Variants in STYXL2 observed in about 807,000 individuals in gnomAD.
STYXL2 encodes serine/threonine/tyrosine-interacting-like protein 2.
In STYXL2, 44 loss-of-function variants were observed where a neutral mutation model predicts 52.4. That is an observed-to-expected ratio of 0.84 (90% CI 0.66 to 1.08). STYXL2 has a LOEUF of 1.08. STYXL2 is among the 50% of genes least tolerant of loss of function. STYXL2 has a pLI of 0.00. For missense variants in STYXL2, 1,604 were observed against 1,471.7 expected, an observed-to-expected ratio of 1.09 and a Z score of -1.47; for synonymous variants, 604 against 586.9, an observed-to-expected ratio of 1.03 and a Z score of -0.42.
Position 167,119,239 on chromosome 1 carries a change from C to T in STYXL2, c.438-10C>T, listed in dbSNP as rs74119595. ...GACTCTTGCAAACAGGTCCCTGCCT[C>T]TTCCCGCAGGAGTGTGGCTGTGAAC... On this transcript the variant is annotated splice_polypyrimidine_tract_variant and intron_variant, in intron 4 of 5. Transcript: ENST00000361200. The T allele has an allele frequency of 3.8e-3, 6,210 of 1,613,674 alleles. 224 individuals carry two copies. In the African/African-American group the frequency reaches 0.074, roughly 19 times the overall value.
chr1:167,121,151 T>A (rs1050984549), intron 5 of STYXL2, among the ~76,000 whole-genome samples: 6 of 151,896 alleles, frequency 4.0e-5, no homozygotes, highest in African/African-American at 1.5e-4. Flanking sequence ...TAGCTGGGAT[T>A]ACAGACTCCC....
At chr1:167,095,078 T>C (rs780355397) in intron 2 of STYXL2, 119 bp downstream of exon 2, 20 of 689,796 alleles carry the variant, frequency 2.9e-5, no homozygotes, top group Non-Finnish European at 4.5e-5. Flanking sequence ...TTAACAAATA[T>C]TATTGAGTAC....
At position 167,119,426 on chromosome 1, in the gene STYXL2, G is replaced by A. The variant is rs779953208; in HGVS notation, c.615G>A (p.Lys205=). 1.4e-5 allele frequency: 22 copies of A among 1,614,222 alleles called. No homozygotes were observed. The highest frequency in any genetic ancestry group is 1.9e-5 in the Non-Finnish European group (22 of 1,180,042). Reference sequence around the variant, plus strand: ...TGGACATTTCCCAGCATTTCCGGAAGGCGTCTGAGTTCCTGGATGAGGCGC... The same window carrying A: ...TGGACATTTCCCAGCATTTCCGGAAAGCGTCTGAGTTCCTGGATGAGGCGC... ...PEVDISQHFR[K]ASEFLDEALL... Residue 205 remains lysine (K), a synonymous_variant, in exon 5 of 6, where the codon AAG becomes AAA. Transcript: ENST00000361200.
chr1:167,117,034 A>G (rs967248487), intron 3 of STYXL2, among the ~76,000 whole-genome samples: 7 of 152,186 alleles, frequency 4.6e-5, no homozygotes, highest in African/African-American at 1.7e-4. Flanking sequence ...TACTTAAGGA[A>G]CTTGGTCTAA....
chr1:167,103,991 G>C (rs1379263312), intron 2 of STYXL2, among the ~76,000 whole-genome samples: 1 of 152,052 alleles, frequency 6.6e-6, no homozygotes, highest in African/African-American at 2.4e-5. Flanking sequence ...GTGGTGGTGG[G>C]CGCCTGTAAT....
At chr1:167,111,571 C>T (rs892433671) in intron 2 of STYXL2, among the ~76,000 whole-genome samples, 9 of 145,156 alleles carry the variant, frequency 6.2e-5, no homozygotes, top group African/African-American at 7.6e-5. Context: ...AGCCATAAAA[C>T]GGTCTAAAAT....
At chr1:167,099,822 A>G (rs2102221667) in intron 2 of STYXL2, among the ~76,000 whole-genome samples, 2 of 152,360 alleles carry the variant, frequency 1.3e-5, no homozygotes, top group South Asian at 4.1e-4. Context: ...TAAATACTAT[A>G]ATGTTTAGCA....
intron 2 of STYXL2, among the ~76,000 whole-genome samples, chr1:167,110,757 C>G (rs186768556): frequency 1.3e-5 from 2 of 152,220 alleles, no homozygotes; most frequent in Admixed American, 1.3e-4. Context: ...GTACCTTTAA[C>G]GGAGCATAAC....
In STYXL2 at chr1:167,126,762, T is replaced by G; in HGVS notation, c.1631T>G (p.Leu544Arg). 6.2e-7 allele frequency: 1 copy of G among 1,614,074 alleles called. No homozygotes were observed. Residue 544 changes from leucine (L) to arginine (R), a missense_variant, in exon 6 of 6, where the codon CTG (leucine) becomes CGG (arginine). Transcript: ENST00000361200. ...CSRNKDKLTA[L>R]ERWKIKRIQF... Reference sequence around the variant, plus strand: ...AGGAACAAGGACAAGCTCACTGCCCTGGAAAGATGGAAGATCAAGAGAATC... The same window carrying G: ...AGGAACAAGGACAAGCTCACTGCCCGGGAAAGATGGAAGATCAAGAGAATC...
In STYXL2 at chr1:167,128,270, G is replaced by A. The variant is rs759730765; in HGVS notation, c.3139G>A (p.Glu1047Lys). ...GCCCTACTTCTTCCGCCGGACCCCAGAGTCCTCAGAAAGGGAAGAGTCCCC... is the reference window on the plus strand; with the variant it reads ...GCCCTACTTCTTCCGCCGGACCCCAAAGTCCTCAGAAAGGGAAGAGTCCCC... ...PEPYFFRRTP[E>K]SSEREESPEP... The change falls in exon 6 of 6, where the codon GAG becomes AAG. Residue 1047 changes from glutamate (E) to lysine (K), a missense_variant. Coordinates refer to ENST00000361200, the MANE Select transcript of STYXL2 (RefSeq NM_001080426.3). 2 of 1,614,184 alleles carry A rather than the reference G, an allele frequency of 1.2e-6. No homozygotes were observed. Among genetic ancestry groups the A allele is most frequent in the Non-Finnish European group, 1.7e-6 (2 of 1,180,040 alleles).
intron 2 of STYXL2, among the ~76,000 whole-genome samples, chr1:167,107,891 G>A (rs900805495): frequency 3.3e-5 from 5 of 152,182 alleles, no homozygotes; most frequent in East Asian, 1.9e-4. Context: ...AAGAAGGGAC[G>A]ATTGAACTAA....
Position 167,128,478 on chromosome 1 carries a change from G to T in STYXL2, c.3347G>T (p.Arg1116Leu). The T allele has an allele frequency of 6.2e-7, 1 of 1,613,940 alleles. No individual in the cohort carries two copies. Residue 1116 changes from arginine to leucine, a missense_variant, in exon 6 of 6, where the codon CGG becomes CTG. Arg to Leu is a moderately radical substitution (Grantham distance 102, BLOSUM62 -2). Transcript: ENST00000361200. The part of the protein sequence containing the change: ...NREEGRFASG[R>L]RSQYRRSTDR... Reference sequence around the variant, plus strand: ...GAAGAAGGGAGGTTTGCATCTGGACGGCGGTCCCAGTATCGGAGAAGCACT... The same window carrying T: ...GAAGAAGGGAGGTTTGCATCTGGACTGCGGTCCCAGTATCGGAGAAGCACT...
In STYXL2 at chr1:167,119,458, C is replaced by T; in HGVS notation, c.647C>T (p.Thr216Ile). 6.2e-7 allele frequency: 1 copy of T among 1,613,980 alleles called. No individual in the cohort carries two copies. The highest frequency in any genetic ancestry group is 2.2e-5 in the East Asian group (1 of 44,882). Residue 216 changes from threonine (T) to isoleucine (I), a missense_variant, in exon 5 of 6, where the codon ACT becomes ATT. By Grantham distance (89) the Thr-to-Ile change is moderately conservative. Coordinates refer to ENST00000361200, the MANE Select transcript of STYXL2 (RefSeq NM_001080426.3). ...ASEFLDEALLTYRGKVLVSSE... is the reference protein window; with the variant it reads ...ASEFLDEALLIYRGKVLVSSE... The stretch of plus-strand genomic sequence containing the variant: ...GAGTTCCTGGATGAGGCGCTGCTGA[C>T]TTACAGAGGTGAGAGGGATCTGCCG...
intron 2 of STYXL2, among the ~76,000 whole-genome samples, chr1:167,105,180 T>C (rs1667484645): frequency 7.1e-6 from 1 of 141,598 alleles, no homozygotes; most frequent in African/African-American, 3.2e-5. Context: ...TTTTTCTGTT[T>C]CCTTTTTTCC....
chr1:167,127,675 G>T lies in STYXL2; in HGVS notation c.2544G>T (p.Arg848Ser). Residue 848 changes from arginine (R) to serine (S), a missense_variant, in exon 6 of 6, where the codon AGG becomes AGT. Transcript: ENST00000361200. The part of the protein sequence containing the change: ...RKEKEMQMEL[R>S]EKMSEYKMEK... The stretch of plus-strand genomic sequence containing the variant: ...AGAAGGAGATGCAGATGGAGCTTAG[G>T]GAGAAGATGTCTGAGTACAAAATGG... 6.2e-7 allele frequency: 1 copy of T among 1,614,122 alleles called. No homozygotes were observed.
chr1:167,127,603 C>T lies in STYXL2; in HGVS notation c.2472C>T (p.Phe824=), dbSNP rs554146908. ...TGAGGGGGACCAGCAAGCCCATCTT[C>T]AGCCTCTTTGCTGACAATGTGGACC... ...SKVRGTSKPI[F]SLFADNVDLK... Residue 824 remains phenylalanine (F), a synonymous_variant, in exon 6 of 6, where the codon TTC becomes TTT. Coordinates refer to ENST00000361200, the MANE Select transcript of STYXL2 (RefSeq NM_001080426.3). The T allele has an allele frequency of 6.2e-7, 1 of 1,614,224 alleles. No homozygotes were observed. Among genetic ancestry groups the T allele is most frequent in the South Asian group, 1.1e-5 (1 of 91,090 alleles).
chr1:167,101,987 A>T (rs943480298), intron 2 of STYXL2, among the ~76,000 whole-genome samples: 1 of 152,214 alleles, frequency 6.6e-6, no homozygotes, highest in Non-Finnish European at 1.5e-5. Flanking sequence ...TGAACTATTG[A>T]TTCATACAAC....
chr1:167,104,119 GA>G (rs1667460252), intron 2 of STYXL2, among the ~76,000 whole-genome samples: 1 of 151,646 alleles, frequency 6.6e-6, no homozygotes, highest in Admixed American at 6.6e-5. Flanking sequence ...ACTCTGTCTT[GA>G]AAAAAAAGAA....
intron 2 of STYXL2, among the ~76,000 whole-genome samples, chr1:167,100,913 A>G (rs978015478): frequency 6.6e-6 from 1 of 152,192 alleles, no homozygotes; most frequent in African/African-American, 2.4e-5. Flanking sequence ...CTGAACTCTA[A>G]ACTATTACAT....
Sources: gnomAD v4.1 joint callset for allele counts (sites outside exome capture counted in the v4.1 genomes callset) on GRCh38, gnomAD v4.1.1 for gene constraint, MANE v1.5 for transcripts, NCBI Gene and HGNC (gene_info 2026-07-23, HGNC 2026-07-21) for gene names.